Variants in SNED1 observed in about 807,000 individuals in gnomAD.
SNED1 encodes the protein sushi, nidogen and EGF-like domain-containing protein 1.
In SNED1, 81 loss-of-function variants were observed where a neutral mutation model predicts 166.7. That is an observed-to-expected ratio of 0.49 (90% CI 0.41 to 0.58). The LOEUF (loss-of-function observed/expected upper bound fraction) is 0.58. Ranked by LOEUF, SNED1 falls within the 20% of genes least tolerant of loss-of-function variation. The pLI, the probability that SNED1 is intolerant of heterozygous loss-of-function variation, is 0.00. For missense variants in SNED1, 1,604 were observed against 2,000.2 expected (o/e 0.80, Z 3.78); for synonymous variants, 762 against 822.0 (o/e 0.93, Z 1.25).
intron 8 of SNED1, 26 bp from the exon 9 acceptor site, chr2:241,048,289 G>A (rs775623529): frequency 8.3e-6 from 13 of 1,573,024 alleles, no homozygotes; most frequent in Admixed American, 3.8e-5. Flanking sequence ...CTGCGTGGCC[G>A]CTGGTGACTG....
At chr2:241,048,798 C>T in intron 10 of SNED1, 32 bp downstream of exon 10, 1 of 1,516,576 alleles carries the variant, frequency 6.6e-7, no homozygotes, top group Non-Finnish European at 9.1e-7. Context: ...CCTGCCCTGT[C>T]CCTGAGCATC....
chr2:241,000,282 C>T (rs542661029), intron 1 of SNED1, among the ~76,000 whole-genome samples: 29 of 152,346 alleles, frequency 1.9e-4, no homozygotes, highest in African/African-American at 7.0e-4. Flanking sequence ...ATCCACAGCG[C>T]CCACTGCGTT....
intron 8 of SNED1, among the ~76,000 whole-genome samples, chr2:241,044,565 T>TC (rs1559257686): frequency 1.3e-5 from 2 of 151,976 alleles, no homozygotes; most frequent in Admixed American, 1.3e-4. Context: ...TGCTTTGGTA[T>TC]CCCCCCAGCC....
rs1010525979 is a variant in SNED1 at position 241,018,050 on chromosome 2, C to T, written c.214-12234C>T. On this transcript the variant is annotated intron_variant, in intron 1 of 31. Coordinates refer to ENST00000310397, the MANE Select transcript of SNED1 (RefSeq NM_001080437.3). The surrounding 1 kb of genome is among the most constrained non-coding windows in gnomAD (Gnocchi z 5.4). ...AACCAAGGTGGTGGGTACCTTGATCCCTTTCCCGACTGGAGAGGCATTCCA... is the reference window on the plus strand; with the variant it reads ...AACCAAGGTGGTGGGTACCTTGATCTCTTTCCCGACTGGAGAGGCATTCCA... Among the ~76,000 whole-genome samples, 1 of 152,186 alleles carries T rather than the reference C, an allele frequency of 6.6e-6. No individual in the cohort carries two copies. Among genetic ancestry groups the T allele is most frequent in the African/African-American group, 2.4e-5 (1 of 41,436 alleles).
Position 241,018,925 on chromosome 2 carries a change from T to A in SNED1, c.214-11359T>A, listed in dbSNP as rs2060683405. ...AGAGCCTTATCAGGCCCAGAAACGGTCAGGGCCAAACCTCAAGGCTTCCAG... is the reference window on the plus strand; with the variant it reads ...AGAGCCTTATCAGGCCCAGAAACGGACAGGGCCAAACCTCAAGGCTTCCAG... On this transcript the variant is annotated intron_variant, in intron 1 of 31. Transcript: ENST00000310397. The surrounding 1 kb of genome is among the most constrained non-coding windows in gnomAD (Gnocchi z 5.4). Among the ~76,000 whole-genome samples, 4 of 151,964 alleles carry A rather than the reference T, an allele frequency of 2.6e-5. No individual in the cohort carries two copies. Among genetic ancestry groups the A allele is most frequent in the Admixed American group, 2.6e-4 (4 of 15,260 alleles).
intron 1 of SNED1, among the ~76,000 whole-genome samples, chr2:241,021,893 A>G (rs1003515244): frequency 1.3e-5 from 2 of 152,220 alleles, no homozygotes; most frequent in Non-Finnish European, 2.9e-5. Flanking sequence ...TCCACTAGCA[A>G]TGTATGAGGG....
Position 241,069,877 on chromosome 2 carries a change from C to T in SNED1, c.3308-43C>T, listed in dbSNP as rs1432312592. 1.3e-6 allele frequency: 2 copies of T among 1,592,228 alleles called. No individual in the cohort carries two copies. The highest frequency in any genetic ancestry group is 2.7e-5 in the African/African-American group (2 of 74,492). On this transcript the variant is annotated intron_variant, in intron 23 of 31. Transcript: ENST00000310397. The surrounding 1 kb of genome is among the most constrained non-coding windows in gnomAD (Gnocchi z 4.9). ...CAAACCGTGTTCTTGCCAGAAGACC[C>T]TGTGGGCACCCCCTCACCTCTCCCT...
At chr2:241,077,065 C>T (rs1050951433) in intron 27 of SNED1, among the ~76,000 whole-genome samples, 4 of 146,212 alleles carry the variant, frequency 2.7e-5, no homozygotes, top group East Asian at 4.0e-4. Flanking sequence ...GGCGACAGAG[C>T]GAGACTCCGT....
chr2:241,034,484 G>T, intron 3 of SNED1, 84 bp from the exon 4 acceptor site: 1 of 1,312,046 alleles, frequency 7.6e-7, no homozygotes, highest in Non-Finnish European at 1.0e-6. Flanking sequence ...GACCCTGGCA[G>T]GAACATGGTG....
chr2:241,068,745 G>A lies in SNED1; in HGVS notation c.3195-166G>A, dbSNP rs946397865. ...TTGGCTTCCCGCCCTAGGAGCACAC[G>A]GCTCTGAGGGCCATGAGTCTGCCCC... On this transcript the variant is annotated intron_variant, in intron 22 of 31. Transcript: ENST00000310397. This position sits in a 1 kb window ranked among gnomAD's most constrained non-coding sequence, Gnocchi z 5.3. Among the ~76,000 whole-genome samples the A allele has an allele frequency of 1.3e-5, 2 of 152,166 alleles. No individual in the cohort carries two copies. The highest frequency in any genetic ancestry group is 2.1e-4 in the South Asian group (1 of 4,828).
At chr2:241,030,616 G>A (rs2061137721) in intron 2 of SNED1, 45 bp downstream of exon 2, 2 of 1,589,270 alleles carry the variant, frequency 1.3e-6, no homozygotes, top group South Asian at 1.1e-5. Context: ...GTGTGGCTAG[G>A]GCCCAGGGTC....
intron 1 of SNED1, among the ~76,000 whole-genome samples, chr2:241,004,614 A>G (rs2060166019): frequency 6.6e-6 from 1 of 152,256 alleles, no homozygotes; most frequent in East Asian, 1.9e-4. Context: ...CAAGTATGAT[A>G]TAATAATCTT....
At chr2:241,078,010 T>C (rs2063110689) in intron 27 of SNED1, among the ~76,000 whole-genome samples, 1 of 152,142 alleles carries the variant, frequency 6.6e-6, no homozygotes, top group South Asian at 2.1e-4. Flanking sequence ...TATGTCCACA[T>C]GAGGTCCTGT....
chr2:241,009,770 A>G (rs1397796143), intron 1 of SNED1, among the ~76,000 whole-genome samples: 2 of 152,036 alleles, frequency 1.3e-5, no homozygotes, highest in East Asian at 3.9e-4. Flanking sequence ...TCCCACTGGA[A>G]CAACCCCTTG....
rs1030738339 is a variant in SNED1, at chr2:240,999,794, T to C, written c.213+744T>C. Among the ~76,000 whole-genome samples the C allele has an allele frequency of 1.1e-4, 17 of 152,290 alleles. No individual in the cohort carries two copies. The highest frequency in any genetic ancestry group is 3.4e-4 in the African/African-American group (14 of 41,554). On this transcript the variant is annotated intron_variant, in intron 1 of 31. Coordinates refer to ENST00000310397, the MANE Select transcript of SNED1 (RefSeq NM_001080437.3). This position sits in a 1 kb window ranked among gnomAD's most constrained non-coding sequence, Gnocchi z 5.8. ...AGTGTGACCCCAGGCCAAGCCCTTA[T>C]GGCAGCCCAGGGAATGAAATGCACC...
At chr2:241,041,241 TC>T (rs2061513220) in intron 8 of SNED1, 1 of 168,554 alleles carries the variant, frequency 5.9e-6, no homozygotes, top group Non-Finnish European at 1.3e-5. Context: ...AAGTCACTGT[TC>T]CGTGTCACAG....
At chr2:241,027,247 A>G (rs1376447340) in intron 1 of SNED1, among the ~76,000 whole-genome samples, 2 of 152,040 alleles carry the variant, frequency 1.3e-5, no homozygotes, top group African/African-American at 2.4e-5. Flanking sequence ...TGCCCAGCTA[A>G]TGTTTGTATT....
chr2:241,065,269 C>T (rs770034540), intron 20 of SNED1, 30 bp from the exon 21 acceptor site: 2 of 1,610,458 alleles, frequency 1.2e-6, no homozygotes, highest in African/African-American at 1.3e-5. Context: ...TGACCAGTCC[C>T]CTCCCCTTGT....
At chr2:241,017,308 TGG>T (rs1574881020) in intron 1 of SNED1, among the ~76,000 whole-genome samples, 1 of 151,546 alleles carries the variant, frequency 6.6e-6, no homozygotes, top group East Asian at 1.9e-4. Flanking sequence ...GTAGCAAGAG[TGG>T]TTTGTGTTGG....
Sources: gnomAD v4.1 joint callset for allele counts (sites outside exome capture counted in the v4.1 genomes callset) on GRCh38, gnomAD v4.1.1 for gene constraint, Gnocchi (gnomAD v3.1) non-coding constraint, MANE v1.5 for transcripts, NCBI Gene and HGNC (gene_info 2026-07-23, HGNC 2026-07-21) for gene names.